SULF2: variants seen among roughly 807,000 people sequenced by gnomAD.
SULF2 encodes sulfatase 2.
SULF2 carries 52 observed loss-of-function variants against 107.7 expected under a neutral mutation model. The ratio of observed to expected loss-of-function variants is 0.48; its 90% CI spans 0.39 to 0.61. The LOEUF is 0.61. SULF2 is among the 20% of genes least tolerant of loss of function. The pLI, the probability that SULF2 is intolerant of heterozygous loss-of-function variation, is 0.00. For missense variants in SULF2, 993 were observed against 1,177.3 expected, an observed-to-expected ratio of 0.84 and a Z score of 2.29; for synonymous variants, 460 against 464.3, an observed-to-expected ratio of 0.99 and a Z score of 0.12.
chr20:47,718,032 T>C (rs2089177833), intron 3 of SULF2, among the ~76,000 whole-genome samples: 1 of 152,130 alleles, frequency 6.6e-6, no homozygotes, highest in African/African-American at 2.4e-5. Context: ...TTGGTTAGGA[T>C]GGTCTTGATC....
intron 2 of SULF2, among the ~76,000 whole-genome samples, chr20:47,752,040 C>T (rs973173767): frequency 6.6e-6 from 1 of 152,194 alleles, no homozygotes; most frequent in Non-Finnish European, 1.5e-5. Flanking sequence ...CCTGCATGAG[C>T]GTGGACAGCA....
chr20:47,726,352 T>C (rs940455328), intron 3 of SULF2, among the ~76,000 whole-genome samples: 1 of 151,976 alleles, frequency 6.6e-6, no homozygotes, highest in African/African-American at 2.4e-5. Context: ...ACTACAAGCA[T>C]GGACTACCAT....
At position 47,678,733 on chromosome 20, in the gene SULF2, G is replaced by A. The variant is rs775095346; in HGVS notation, c.1136C>T (p.Ala379Val). 10 of 1,613,894 alleles carry A rather than the reference G, an allele frequency of 6.2e-6. No individual in the cohort carries two copies. In the East Asian group the frequency reaches 6.7e-5, roughly 11 times the overall value. Residue 379 changes from alanine to valine, a missense_variant, in exon 8 of 21, where the codon GCG becomes GTG. Around this residue, in one of 3 missense-constraint regions of SULF2, gnomAD observed 108 missense variants for 183.9 expected, o/e 0.59. Coordinates refer to ENST00000688720, the MANE Select transcript of SULF2 (RefSeq NM_001387048.1). This position sits in a 1 kb window ranked among gnomAD's most constrained non-coding sequence, Gnocchi z 4.5. The part of the protein sequence containing the change: ...ILDIAGLDIP[A>V]DMDGKSILKL... ...GAGGATGGATTTCCCGTCCATATCC[G>A]CAGGTATGTCCAGGCCTGCAATGTC...
chr20:47,674,278 A>T (rs1299989967), intron 10 of SULF2, among the ~76,000 whole-genome samples: 3 of 152,184 alleles, frequency 2.0e-5, no homozygotes, highest in Non-Finnish European at 4.4e-5. Flanking sequence ...TGAGCCCCAC[A>T]GGGCTGGGCC....
intron 2 of SULF2, among the ~76,000 whole-genome samples, chr20:47,753,976 T>C (rs1398008920): frequency 6.6e-6 from 1 of 152,210 alleles, no homozygotes; most frequent in Non-Finnish European, 1.5e-5. Flanking sequence ...TGTCCCCAAC[T>C]ACTTTAAACA....
At chr20:47,696,125 T>C (rs777996339) in intron 4 of SULF2, among the ~76,000 whole-genome samples, 1 of 152,328 alleles carries the variant, frequency 6.6e-6, no homozygotes, top group Middle Eastern at 3.4e-3. Flanking sequence ...GCTTTATCAC[T>C]TACTAGGCTA....
intron 11 of SULF2, among the ~76,000 whole-genome samples, chr20:47,671,763 G>A (rs540430247): frequency 2.6e-5 from 4 of 152,260 alleles, no homozygotes; most frequent in Non-Finnish European, 5.9e-5. Context: ...TGCCCAGGCT[G>A]GAGTGCAGTG....
rs2086952101 is a variant in SULF2, at chr20:47,658,108, G to GA, written c.*253dup. 4 of 520,638 alleles carry GA rather than the reference G, an allele frequency of 7.7e-6. No homozygotes were observed. The highest frequency in any genetic ancestry group is 1.9e-5 in the African/African-American group (1 of 52,296). The allele number at this position is 520,638 out of a possible 1,614,324, so 32.3% of individuals were successfully genotyped here. ...AGGGTTAGTGGTGACTTTTTGATAC[G>GA]AAAAAATGCATTTTGTGCAGCTGGT... On this transcript the variant is annotated 3_prime_UTR_variant, in exon 21 of 21. Transcript: ENST00000688720.
chr20:47,765,458 C>T (rs546166033), intron 1 of SULF2, among the ~76,000 whole-genome samples: 58 of 148,910 alleles, frequency 3.9e-4, no homozygotes, highest in Non-Finnish European at 6.2e-4. Context: ...AGGCAGAAGG[C>T]GGCATTGGTC....
At chr20:47,691,734 C>A (rs948265060) in intron 4 of SULF2, among the ~76,000 whole-genome samples, 15 of 151,828 alleles carry the variant, frequency 9.9e-5, no homozygotes, top group African/African-American at 2.9e-4. Context: ...AGCACACACA[C>A]AAAAAAGGGA....
intron 3 of SULF2, among the ~76,000 whole-genome samples, chr20:47,730,985 C>T (rs184228202): frequency 1.8e-4 from 27 of 152,128 alleles, no homozygotes; most frequent in Admixed American, 1.1e-3. Context: ...TGGCATGTGA[C>T]TCAGGGTGGT....
chr20:47,762,025 C>T (rs933598132), intron 1 of SULF2, among the ~76,000 whole-genome samples: 17 of 152,338 alleles, frequency 1.1e-4, no homozygotes, highest in Admixed American at 3.9e-4. Context: ...TCACATAAGA[C>T]GTGCCTTTCA....
intron 2 of SULF2, among the ~76,000 whole-genome samples, chr20:47,752,648 G>A (rs2090184302): frequency 6.6e-6 from 1 of 152,052 alleles, no homozygotes; most frequent in Non-Finnish European, 1.5e-5. Context: ...CTACTTCGGG[G>A]GCTGGGGTAA....
intron 1 of SULF2, among the ~76,000 whole-genome samples, chr20:47,769,063 G>A (rs567121247): frequency 1.1e-4 from 17 of 150,650 alleles, no homozygotes; most frequent in African/African-American, 3.4e-4. Flanking sequence ...TTTTTGAGAC[G>A]GAGTTTCACT....
At chr20:47,748,104 C>T (rs996151180) in intron 2 of SULF2, among the ~76,000 whole-genome samples, 6 of 152,188 alleles carry the variant, frequency 3.9e-5, no homozygotes, top group Non-Finnish European at 8.8e-5. Context: ...GACCTTCCAT[C>T]GGGCATGCAA....
At chr20:47,687,734 G>T (rs528022192) in intron 5 of SULF2, among the ~76,000 whole-genome samples, 1 of 151,702 alleles carries the variant, frequency 6.6e-6, no homozygotes, top group South Asian at 2.1e-4. Context: ...TCGAGACAGG[G>T]TCTCACTCTG....
intron 1 of SULF2, among the ~76,000 whole-genome samples, chr20:47,768,487 G>A (rs1034543372): frequency 6.6e-6 from 1 of 152,224 alleles, no homozygotes; most frequent in Non-Finnish European, 1.5e-5. Flanking sequence ...TGGGGGGCGG[G>A]CTGGAGGCAG....
chr20:47,700,648 T>TTC (rs1307917338), intron 4 of SULF2, among the ~76,000 whole-genome samples: 1 of 148,628 alleles, frequency 6.7e-6, no homozygotes, highest in Non-Finnish European at 1.5e-5. Flanking sequence ...TTTTTTTTTT[T>TTC]TTTTTTTTCT....
rs115862968 is a variant in SULF2 at position 47,772,312 on chromosome 20, T to G, written c.-101+13031A>C. 3.8e-3 allele frequency among the ~76,000 whole-genome samples: 584 copies of G among 152,288 alleles called. 3 individuals carry two copies. The highest frequency in any genetic ancestry group is 0.013 in the African/African-American group (552 of 41,574). On this transcript the variant is annotated intron_variant, in intron 1 of 20. Coordinates refer to ENST00000688720, the MANE Select transcript of SULF2 (RefSeq NM_001387048.1). ...CAGGGTGTTCACAGGCCTCTGTCCATGAGATGCAAGTAGCACCTACCCCAG... is the reference window on the plus strand; with the variant it reads ...CAGGGTGTTCACAGGCCTCTGTCCAGGAGATGCAAGTAGCACCTACCCCAG...
Sources: allele counts gnomAD v4.1 joint callset (sites outside exome capture counted in the v4.1 genomes callset), GRCh38; gene constraint gnomAD v4.1.1; regional missense constraint gnomAD v4.1.1; non-coding constraint Gnocchi (gnomAD v3.1); transcripts MANE v1.5; gene names NCBI Gene and HGNC (gene_info 2026-07-23, HGNC 2026-07-21).